The following RNF157 variants were observed in gnomAD, a reference collection of about 807,000 sequenced individuals.
The protein encoded by RNF157 is E3 ubiquitin ligase RNF157.
RNF157 carries 55 observed loss-of-function variants against 88.3 expected under a neutral mutation model. The observed-to-expected ratio is 0.62, with a 90% CI of 0.50 to 0.78. The LOEUF is 0.78. Ranked by LOEUF, RNF157 falls within the 30% of genes least tolerant of loss-of-function variation. The probability of loss-of-function intolerance (pLI) is 0.00; values close to 1 mark genes in which losing one functional copy is unlikely to be tolerated. For synonymous variants in RNF157, 334 were observed against 341.2 expected (o/e 0.98, Z 0.23); for missense variants, 788 against 860.8 (o/e 0.92, Z 1.06).
chr17:76,214,790 CA>C (rs1202114604), intron 1 of RNF157, among the ~76,000 whole-genome samples: 2 of 152,138 alleles, frequency 1.3e-5, no homozygotes, highest in African/African-American at 4.8e-5. Flanking sequence ...AATCAGCAGT[CA>C]GGGGCCAAAA....
At chr17:76,205,385 C>G (rs1301688801) in intron 2 of RNF157, among the ~76,000 whole-genome samples, 1 of 152,092 alleles carries the variant, frequency 6.6e-6, no homozygotes, top group Admixed American at 6.6e-5. Flanking sequence ...CCTCCCGCCT[C>G]AGCCTCCCAA....
At position 76,157,635 on chromosome 17, in the gene RNF157, A is replaced by G. The variant is rs1024169369; in HGVS notation, c.1413+758T>C. On this transcript the variant is annotated intron_variant, in intron 13 of 18. Transcript: ENST00000269391. This position sits in a 1 kb window ranked among gnomAD's most constrained non-coding sequence, Gnocchi z 5.6. ...TTTATAAAATTTACTTAGTCATTGA[A>G]CAAATACTTACTGAGCAACAACAAC... 3.9e-5 allele frequency among the ~76,000 whole-genome samples: 6 copies of G among 152,226 alleles called. No individual in the cohort carries two copies. The highest frequency in any genetic ancestry group is 1.4e-4 in the African/African-American group (6 of 41,458).
Position 76,195,117 on chromosome 17 carries a change from A to G in RNF157, c.207+17247T>C, listed in dbSNP as rs1219901821. ...ACTGACAAGTGGAAAGCGATTCAGG[A>G]GAACAGAAAGGGCCGAAATCCCAAA... On this transcript the variant is annotated intron_variant, in intron 2 of 18. Transcript: ENST00000269391. This position sits in a 1 kb window ranked among gnomAD's most constrained non-coding sequence, Gnocchi z 4.4. Among the ~76,000 whole-genome samples, 1 of 152,214 alleles carries G rather than the reference A, an allele frequency of 6.6e-6. No homozygotes were observed. The highest frequency in any genetic ancestry group is 1.5e-5 in the Non-Finnish European group (1 of 68,032).
At chr17:76,175,765 G>T (rs2069092819) in intron 2 of RNF157, 1 of 984,912 alleles carries the variant, frequency 1.0e-6, no homozygotes, top group Admixed American at 6.2e-5. Context: ...TCAAAAAAAA[G>T]ATGCGTCTTT....
intron 2 of RNF157, among the ~76,000 whole-genome samples, chr17:76,178,019 C>T (rs913062645): frequency 2.0e-5 from 3 of 152,232 alleles, no homozygotes; most frequent in Non-Finnish European, 2.9e-5. Context: ...AATAAGGCTC[C>T]TCTTCGTCTT....
At chr17:76,173,050 G>C (rs1568038065) in intron 3 of RNF157, among the ~76,000 whole-genome samples, 1 of 152,170 alleles carries the variant, frequency 6.6e-6, no homozygotes. Flanking sequence ...ACTTTGGGAG[G>C]CCAAGGCAGG....
Position 76,215,653 on chromosome 17 carries a change from T to C in RNF157, c.89-3171A>G, listed in dbSNP as rs191284146. On this transcript the variant is annotated intron_variant, in intron 1 of 18. Transcript: ENST00000269391. ...TGAACCAAACATTCATTTTTAAAAC[T>C]TTCTACACAAGGAGCTTTAGTCTAG... Among the ~76,000 whole-genome samples, 185 of 152,166 alleles carry C rather than the reference T, an allele frequency of 1.2e-3. 1 individual carries two copies. The highest frequency in any genetic ancestry group is 4.1e-3 in the African/African-American group (170 of 41,530).
chr17:76,156,271 T>A lies in RNF157; in HGVS notation c.1464A>T (p.Gly488=). 1 of 1,614,002 alleles carries A rather than the reference T, an allele frequency of 6.2e-7. No homozygotes were observed. The highest frequency in any genetic ancestry group is 8.5e-7 in the Non-Finnish European group (1 of 1,179,976). ...CTGTGCAAGACGACTGGTCAATAGC[T>A]CCAGATGACGACAAGGTGAGATTCT... ...ESENLTLSSS[G]AIDQSSCTGT... Residue 488 remains glycine, a synonymous_variant, in exon 14 of 19, where the codon GGA becomes GGT. Coordinates refer to ENST00000269391, the MANE Select transcript of RNF157 (RefSeq NM_052916.3).
chr17:76,177,561 G>C (rs2069124913), intron 2 of RNF157, among the ~76,000 whole-genome samples: 1 of 151,884 alleles, frequency 6.6e-6, no homozygotes, highest in Non-Finnish European at 1.5e-5. Context: ...AGGGCAGCTT[G>C]GTGCTGGCCT....
intron 18 of RNF157, among the ~76,000 whole-genome samples, chr17:76,148,591 GTCTCACTCCA>G (rs2068624103): frequency 1.6e-5 from 2 of 125,750 alleles, no homozygotes; most frequent in Admixed American, 1.6e-4. Flanking sequence ...TTAAGATGGA[GTCTCACTCCA>G]TCTCAGCCTC....
chr17:76,162,500 T>C (rs924735646), intron 9 of RNF157, 52 bp downstream of exon 9: 1 of 1,403,350 alleles, frequency 7.1e-7, no homozygotes, highest in Non-Finnish European at 1.0e-6. Context: ...GCTTACGATT[T>C]CTCACTTGGC....
intron 1 of RNF157, among the ~76,000 whole-genome samples, chr17:76,213,958 T>C (rs1215253594): frequency 1.3e-5 from 2 of 152,166 alleles, no homozygotes; most frequent in African/African-American, 4.8e-5. Context: ...TCGCCCTATG[T>C]ATCTCTCTCT....
At chr17:76,222,484 G>C (rs1326918684) in intron 1 of RNF157, among the ~76,000 whole-genome samples, 2 of 152,108 alleles carry the variant, frequency 1.3e-5, no homozygotes, top group Non-Finnish European at 2.9e-5. Flanking sequence ...AAATCACATG[G>C]GGAGGAAGAA....
At chr17:76,177,909 C>T (rs1164543614) in intron 2 of RNF157, among the ~76,000 whole-genome samples, 2 of 152,184 alleles carry the variant, frequency 1.3e-5, no homozygotes, top group African/African-American at 2.4e-5. Context: ...CGGAAAAGAG[C>T]TTCCCACTCC....
intron 3 of RNF157, among the ~76,000 whole-genome samples, chr17:76,172,304 ACT>A (rs2069027015): frequency 1.3e-5 from 2 of 151,902 alleles, no homozygotes; most frequent in South Asian, 4.1e-4. Flanking sequence ...ACAAAGTGAG[ACT>A]CTGGGCCAGG....
In RNF157 at chr17:76,195,263, A is replaced by G. The variant is rs906880187; in HGVS notation, c.207+17101T>C. Reference sequence around the variant, plus strand: ...GGAGACTGGGGTTGGTGTGAAAAGCATTTAGACCCCTAGATCTTTTTCCAG... The same window carrying G: ...GGAGACTGGGGTTGGTGTGAAAAGCGTTTAGACCCCTAGATCTTTTTCCAG... On this transcript the variant is annotated intron_variant, in intron 2 of 18. Transcript: ENST00000269391. This position sits in a 1 kb window ranked among gnomAD's most constrained non-coding sequence, Gnocchi z 4.4. Among the ~76,000 whole-genome samples the G allele has an allele frequency of 6.6e-6, 1 of 152,216 alleles. No homozygotes were observed. Among genetic ancestry groups the G allele is most frequent in the Non-Finnish European group, 1.5e-5 (1 of 68,040 alleles).
chr17:76,167,132 G>T lies in RNF157; in HGVS notation c.444-6C>A. On this transcript the variant is annotated splice_polypyrimidine_tract_variant and splice_region_variant and intron_variant, in intron 4 of 18. Transcript: ENST00000269391. ...TGTTGTCTTTGGGAATGTAGCTATTGATACAAGTGGGAGGCAAAGCAAAAG... is the reference window on the plus strand; with the variant it reads ...TGTTGTCTTTGGGAATGTAGCTATTTATACAAGTGGGAGGCAAAGCAAAAG... 6.2e-7 allele frequency: 1 copy of T among 1,607,464 alleles called. No homozygotes were observed. Among genetic ancestry groups the T allele is most frequent in the Non-Finnish European group, 8.5e-7 (1 of 1,175,454 alleles).
intron 1 of RNF157, among the ~76,000 whole-genome samples, chr17:76,238,864 T>C (rs1350217574): frequency 4.6e-5 from 7 of 152,246 alleles, no homozygotes; most frequent in African/African-American, 1.7e-4. Context: ...AGCTTTATCT[T>C]AGACCTTTCT....
At chr17:76,165,376 C>A in intron 7 of RNF157, 126 bp downstream of exon 7, 2 of 910,712 alleles carry the variant, frequency 2.2e-6, no homozygotes, top group South Asian at 1.4e-5. Context: ...CAACCTCTTT[C>A]ACCATTATAG....
Sources: gnomAD v4.1 joint callset for allele counts (sites outside exome capture counted in the v4.1 genomes callset) on GRCh38, gnomAD v4.1.1 for gene constraint, Gnocchi (gnomAD v3.1) non-coding constraint, MANE v1.5 for transcripts, NCBI Gene and HGNC (gene_info 2026-07-23, HGNC 2026-07-21) for gene names.